The following CSGALNACT1 variants were observed in gnomAD, a reference collection of about 807,000 sequenced individuals.
CSGALNACT1 encodes beta4GalNAcT-1.
Under a neutral mutation model 51.0 loss-of-function variants are expected in CSGALNACT1, and 52 were observed. That is an observed-to-expected ratio of 1.02 (90% CI 0.82 to 1.29). The LOEUF (loss-of-function observed/expected upper bound fraction) is 1.29. Ranked by LOEUF, CSGALNACT1 falls within the 50% of genes most tolerant of loss-of-function variation. CSGALNACT1 has a pLI of 0.00. For synonymous variants in CSGALNACT1, 341 were observed against 254.4 expected (o/e 1.34, Z -3.24); for missense variants, 935 against 679.2 (o/e 1.38, Z -4.19).
At chr8:19,645,614 A>C (rs1040344483) in intron 1 of CSGALNACT1, among the ~76,000 whole-genome samples, 1 of 152,222 alleles carries the variant, frequency 6.6e-6, no homozygotes, top group Non-Finnish European at 1.5e-5. Context: ...CCTGGTTCAA[A>C]GCGCAGCTTG....
At chr8:19,454,097 A>G (rs1357634684) in intron 5 of CSGALNACT1, among the ~76,000 whole-genome samples, 3 of 152,236 alleles carry the variant, frequency 2.0e-5, no homozygotes, top group Non-Finnish European at 4.4e-5. Context: ...TAATGCCAGA[A>G]TATCTACAAA....
chr8:19,406,745 C>G (rs969769042), intron 9 of CSGALNACT1, among the ~76,000 whole-genome samples: 1 of 151,114 alleles, frequency 6.6e-6, no homozygotes, highest in African/African-American at 2.4e-5. Flanking sequence ...CCACTGCAAA[C>G]AGAGAAGAAA....
At position 19,757,688 on chromosome 8, in the gene CSGALNACT1, TC is replaced by T. The variant is rs1174146858; in HGVS notation, c.-297+161del. The stretch of plus-strand genomic sequence containing the variant: ...TACTCTTGCAGGACAGAGTTCCCCA[TC>T]CCCCTGCTCCACCCGCTCTGTTCCC... On this transcript the variant is annotated intron_variant, in intron 1 of 1. Transcript: ENST00000517494. The surrounding 1 kb of genome is among the most constrained non-coding windows in gnomAD (Gnocchi z 4.0). Among the ~76,000 whole-genome samples the T allele has an allele frequency of 6.6e-6, 1 of 151,860 alleles. No individual in the cohort carries two copies. Among genetic ancestry groups the T allele is most frequent in the Non-Finnish European group, 1.5e-5 (1 of 67,964 alleles).
intron 1 of CSGALNACT1, among the ~76,000 whole-genome samples, chr8:19,666,890 A>T (rs866071635): frequency 1.7e-4 from 23 of 135,892 alleles, no homozygotes; most frequent in African/African-American, 5.5e-4. Flanking sequence ...AGAAAGAGAG[A>T]GAGGAAGTGA....
intron 3 of CSGALNACT1, among the ~76,000 whole-genome samples, chr8:19,522,740 T>C (rs975369619): frequency 6.6e-6 from 1 of 152,114 alleles, no homozygotes; most frequent in African/African-American, 2.4e-5. Flanking sequence ...TCTCAAAACC[T>C]CCTAAGTTAT....
chr8:19,745,666 C>T (rs1404648469), intron 1 of CSGALNACT1, among the ~76,000 whole-genome samples: 1 of 152,152 alleles, frequency 6.6e-6, no homozygotes, highest in African/African-American at 2.4e-5. Flanking sequence ...AATAAAAATA[C>T]ATCCCTCTGC....
rs543854041 is a variant in CSGALNACT1, at chr8:19,696,033, C to G, written c.-297+61817G>C. Among the ~76,000 whole-genome samples, 80 of 152,134 alleles carry G rather than the reference C, an allele frequency of 5.3e-4. 1 individual carries two copies. Among genetic ancestry groups the G allele is most frequent in the Non-Finnish European group, 9.7e-4 (66 of 67,984 alleles). On this transcript the variant is annotated intron_variant, in intron 1 of 1. Transcript: ENST00000517494. ...ATAAATTTTTAAAAACTTTAAAGAC[C>G]CAAGACCAGTAGCAAAAACATGTAT...
At chr8:19,660,949 G>T (rs947360034) in intron 1 of CSGALNACT1, among the ~76,000 whole-genome samples, 1 of 152,184 alleles carries the variant, frequency 6.6e-6, no homozygotes, top group Non-Finnish European at 1.5e-5. Flanking sequence ...GTCTTGCTCT[G>T]TCGCCCAGGC....
At chr8:19,601,746 T>G (rs1171470504) in intron 2 of CSGALNACT1, 25 bp downstream of exon 2, 1 of 448,434 alleles carries the variant, frequency 2.2e-6, no homozygotes, top group Non-Finnish European at 4.4e-6. Flanking sequence ...AAAGGTTTGT[T>G]TCTTGAGTGA....
chr8:19,521,698 G>T (rs1256090593), intron 3 of CSGALNACT1, among the ~76,000 whole-genome samples: 2 of 152,140 alleles, frequency 1.3e-5, no homozygotes, highest in East Asian at 3.9e-4. Flanking sequence ...TAGCGCCAGG[G>T]TTTAACATGT....
At chr8:19,452,117 A>G (rs1473787232) in intron 5 of CSGALNACT1, among the ~76,000 whole-genome samples, 1 of 152,264 alleles carries the variant, frequency 6.6e-6, no homozygotes, top group African/African-American at 2.4e-5. Flanking sequence ...CAATTTCAAC[A>G]GAGTGGAGAC....
intron 1 of CSGALNACT1, among the ~76,000 whole-genome samples, chr8:19,637,366 CTTT>C (rs1162464135): frequency 6.6e-6 from 1 of 152,168 alleles, no homozygotes; most frequent in African/African-American, 2.4e-5. Context: ...AGCAATCATT[CTTT>C]TTTATTTACC....
At chr8:19,452,908 C>A (rs769729612) in intron 5 of CSGALNACT1, among the ~76,000 whole-genome samples, 1 of 152,168 alleles carries the variant, frequency 6.6e-6, no homozygotes, top group Non-Finnish European at 1.5e-5. Flanking sequence ...CTCCACCCAG[C>A]TTTTACACTA....
At chr8:19,439,566 C>A (rs1011572556) in intron 6 of CSGALNACT1, among the ~76,000 whole-genome samples, 1 of 152,226 alleles carries the variant, frequency 6.6e-6, no homozygotes, top group Admixed American at 6.5e-5. Flanking sequence ...CTCAAAGGAG[C>A]TCACACTCCC....
At position 19,663,748 on chromosome 8, in the gene CSGALNACT1, T is replaced by C. The variant is rs143005994; in HGVS notation, c.-544+18725A>G. Among the ~76,000 whole-genome samples the C allele has an allele frequency of 6.0e-4, 92 of 152,368 alleles. No homozygotes were observed. In the East Asian group the frequency reaches 0.017, roughly 28 times the overall value. ...TGAGGAAAACGCAATACTACATTTC[T>C]ATTGTGCAAACAGTTTCAATTCATC... On this transcript the variant is annotated intron_variant, in intron 1 of 9. Transcript: ENST00000332246.
intron 4 of CSGALNACT1, among the ~76,000 whole-genome samples, chr8:19,462,550 G>A (rs770563649): frequency 1.3e-5 from 2 of 152,108 alleles, no homozygotes; most frequent in African/African-American, 2.4e-5. Flanking sequence ...CAGCTGCCTT[G>A]GAGGTGCCTG....
chr8:19,667,568 T>C (rs562022147), intron 1 of CSGALNACT1, among the ~76,000 whole-genome samples: 3 of 152,284 alleles, frequency 2.0e-5, no homozygotes, highest in East Asian at 3.9e-4. Context: ...TCCACCCCCT[T>C]TGAACCAAGG....
At chr8:19,543,900 C>T (rs1000388383) in intron 3 of CSGALNACT1, among the ~76,000 whole-genome samples, 2 of 152,096 alleles carry the variant, frequency 1.3e-5, no homozygotes, top group Non-Finnish European at 2.9e-5. Context: ...TTTTACCAGT[C>T]GATCATTAAC....
intron 8 of CSGALNACT1, among the ~76,000 whole-genome samples, chr8:19,408,949 AACACACACACACAC>A (rs5889870): frequency 2.1e-5 from 3 of 142,216 alleles, no homozygotes; most frequent in Non-Finnish European, 3.1e-5. Flanking sequence ...TAGATATGAA[AACACACACACACAC>A]ACACACACAC....
Sources: allele counts gnomAD v4.1 joint callset (sites outside exome capture counted in the v4.1 genomes callset), GRCh38; gene constraint gnomAD v4.1.1; non-coding constraint Gnocchi (gnomAD v3.1); transcripts MANE v1.5; gene names NCBI Gene and HGNC (gene_info 2026-07-23, HGNC 2026-07-21).